Variants in RIC1 observed in about 807,000 individuals in gnomAD.
RIC1 encodes guanine nucleotide exchange factor subunit RIC1.
A neutral mutation model predicts 169.0 loss-of-function variants in RIC1; 88 were observed. The ratio of observed to expected loss-of-function variants is 0.52; its 90% CI spans 0.44 to 0.62. The LOEUF is 0.62. RIC1 is among the 20% of genes least tolerant of loss of function. The probability of loss-of-function intolerance (pLI) is 0.00; values close to 1 mark genes in which losing one functional copy is unlikely to be tolerated. For synonymous variants in RIC1, 790 were observed against 601.5 expected, an observed-to-expected ratio of 1.31 and a Z score of -4.59; for missense variants, 1,877 against 1,725.5, an observed-to-expected ratio of 1.09 and a Z score of -1.56.
intron 1 of RIC1, among the ~76,000 whole-genome samples, chr9:5,654,477 A>T (rs971543553): frequency 6.6e-6 from 1 of 152,046 alleles, no homozygotes; most frequent in Non-Finnish European, 1.5e-5. Context: ...CGAACTCCTG[A>T]CCTCAGGTGA....
chr9:5,755,980 A>G (rs1563953897), intron 15 of RIC1, among the ~76,000 whole-genome samples: 1 of 152,056 alleles, frequency 6.6e-6, no homozygotes, highest in Non-Finnish European at 1.5e-5. Flanking sequence ...ATATTTTATA[A>G]TAGTACATTC....
At chr9:5,746,769 C>T (rs1340984552) in intron 11 of RIC1, among the ~76,000 whole-genome samples, 2 of 152,044 alleles carry the variant, frequency 1.3e-5, no homozygotes, top group Non-Finnish European at 2.9e-5. Flanking sequence ...ATCTTAATAC[C>T]TACCATCAAT....
At chr9:5,747,596 G>A in intron 12 of RIC1, 91 bp downstream of exon 12, 1 of 1,151,720 alleles carries the variant, frequency 8.7e-7, no homozygotes, top group Non-Finnish European at 1.3e-6. Flanking sequence ...GTTAACTTCA[G>A]GCAACTGAGA....
chr9:5,695,020 A>G (rs1468282701), intron 3 of RIC1, among the ~76,000 whole-genome samples: 1 of 152,188 alleles, frequency 6.6e-6, no homozygotes, highest in East Asian at 1.9e-4. Context: ...AGAGGGTGAT[A>G]AGTAAAATAC....
In RIC1 at chr9:5,774,949, A is replaced by C. The variant is rs1219942888; in HGVS notation, c.*703A>C. The C allele has an allele frequency of 6.6e-6, 1 of 152,228 alleles. No homozygotes were observed. Among genetic ancestry groups the C allele is most frequent in the Non-Finnish European group, 1.5e-5 (1 of 68,042 alleles). 9.4% of individuals were successfully genotyped at this position (152,228 alleles called of 1,614,324 possible). A position where few individuals can be genotyped will look rare whatever the true frequency, so the allele number is the denominator to read the frequency against. The stretch of plus-strand genomic sequence containing the variant: ...AGATACCACTAAACTATTTTGTATT[A>C]AAGAACAGTATCTTTTTGTGAATAC... On this transcript the variant is annotated 3_prime_UTR_variant, in exon 26 of 26. Transcript: ENST00000414202.
At chr9:5,752,762 G>A (rs866612000) in intron 12 of RIC1, among the ~76,000 whole-genome samples, 1 of 152,130 alleles carries the variant, frequency 6.6e-6, no homozygotes, top group Non-Finnish European at 1.5e-5. Context: ...AATCAGAAAA[G>A]TGTAAAAGTA....
chr9:5,754,710 G>T, intron 14 of RIC1, 131 bp from the exon 15 acceptor site: 1 of 502,304 alleles, frequency 2.0e-6, no homozygotes, highest in South Asian at 4.3e-5. Context: ...CAGCATGGGT[G>T]ACAGAGTGAG....
chr9:5,649,663 A>G (rs1362793192), intron 1 of RIC1, among the ~76,000 whole-genome samples: 1 of 148,834 alleles, frequency 6.7e-6, no homozygotes, highest in African/African-American at 2.5e-5. Flanking sequence ...TGTTGCTGGC[A>G]TTTCATAAAT....
downstream of RIC1, among the ~76,000 whole-genome samples, chr9:5,777,928 G>A (rs1827674541): frequency 6.6e-6 from 1 of 152,040 alleles, no homozygotes; most frequent in South Asian, 2.1e-4. Flanking sequence ...AGGTTGTTTT[G>A]GCTATTCTAG....
In RIC1 at chr9:5,774,254, G is replaced by A. The variant is rs1401405534; in HGVS notation, c.*8G>A. ...GACTGTTCTGTGTCCTAACAGTGAG[G>A]TTCCATCACAAAGGGGCAGTATTAA... On this transcript the variant is annotated 3_prime_UTR_variant, in exon 26 of 26. Transcript: ENST00000414202. 4.4e-6 allele frequency: 7 copies of A among 1,592,452 alleles called. No individual in the cohort carries two copies. The highest frequency in any genetic ancestry group is 6.0e-6 in the Non-Finnish European group (7 of 1,168,572).
chr9:5,639,321 A>G (rs1036846556), intron 1 of RIC1, among the ~76,000 whole-genome samples: 1 of 152,160 alleles, frequency 6.6e-6, no homozygotes, highest in Non-Finnish European at 1.5e-5. Flanking sequence ...GTTTCAATAA[A>G]GTTTTCAGTT....
At chr9:5,704,424 C>G (rs1822432512) in intron 3 of RIC1, among the ~76,000 whole-genome samples, 1 of 151,956 alleles carries the variant, frequency 6.6e-6, no homozygotes, top group South Asian at 2.1e-4. Context: ...ATTGTTCAAG[C>G]TAGTCTCAAA....
intron 2 of RIC1, among the ~76,000 whole-genome samples, chr9:5,680,918 C>A (rs915585943): frequency 6.8e-6 from 1 of 147,812 alleles, no homozygotes; most frequent in Non-Finnish European, 1.5e-5. Context: ...GCTCCGCCTC[C>A]CGGGTTCACG....
intron 2 of RIC1, among the ~76,000 whole-genome samples, chr9:5,672,287 AC>A (rs1314904391): frequency 6.6e-6 from 1 of 152,236 alleles, no homozygotes; most frequent in Non-Finnish European, 1.5e-5. Flanking sequence ...ACGATGTAAG[AC>A]CAAACTAAAC....
intron 2 of RIC1, among the ~76,000 whole-genome samples, chr9:5,666,847 T>C (rs1036931382): frequency 6.6e-6 from 1 of 152,256 alleles, no homozygotes; most frequent in African/African-American, 2.4e-5. Context: ...TGTATGTTTT[T>C]AGAACTTTGT....
chr9:5,725,064 G>A lies in RIC1; in HGVS notation c.720+4314G>A, dbSNP rs549948207. On this transcript the variant is annotated intron_variant, in intron 6 of 25. Coordinates refer to ENST00000414202, the MANE Select transcript of RIC1 (RefSeq NM_020829.4). ...CAGGCTTTGATATCAGGATGATGCA[G>A]GCCTCATAAAATGAGTTAGGGAGGG... is the stretch of plus-strand genomic sequence containing the variant. 3.3e-4 allele frequency among the ~76,000 whole-genome samples: 50 copies of A among 152,274 alleles called. 1 individual carries two copies. In the South Asian group the frequency reaches 1.0e-2, roughly 30 times the overall value.
At chr9:5,758,355 T>A (rs1826129481) in intron 17 of RIC1, among the ~76,000 whole-genome samples, 1 of 152,258 alleles carries the variant, frequency 6.6e-6, no homozygotes, top group African/African-American at 2.4e-5. Context: ...GTCATCCCTG[T>A]CTGGGCAGTC....
chr9:5,761,870 A>G (rs758931650), intron 17 of RIC1, among the ~76,000 whole-genome samples: 12 of 152,248 alleles, frequency 7.9e-5, no homozygotes, highest in Non-Finnish European at 1.6e-4. Context: ...GAAATTTTTC[A>G]TTATAAAAAG....
At chr9:5,704,963 A>G (rs372522330) in intron 3 of RIC1, among the ~76,000 whole-genome samples, 2 of 152,162 alleles carry the variant, frequency 1.3e-5, no homozygotes, top group African/African-American at 4.8e-5. Context: ...CCAATAATCA[A>G]TTGACCATAG....
Sources: gnomAD v4.1 joint callset for allele counts (sites outside exome capture counted in the v4.1 genomes callset) on GRCh38, gnomAD v4.1.1 for gene constraint, MANE v1.5 for transcripts, NCBI Gene and HGNC (gene_info 2026-07-23, HGNC 2026-07-21) for gene names.